The following ADD1 variants were observed in gnomAD, a reference collection of about 807,000 sequenced individuals.
ADD1 encodes adducin 1.
ADD1 carries 24 observed loss-of-function variants against 80.5 expected under a neutral mutation model. The observed-to-expected ratio is 0.30, with a 90% confidence interval of 0.22 to 0.42. The LOEUF (loss-of-function observed/expected upper bound fraction) is 0.42, where lower values mean the gene tolerates loss of function less well. ADD1 is among the 10% of genes least tolerant of loss of function. The pLI, the probability that ADD1 is intolerant of heterozygous loss-of-function variation, is 1.00. For synonymous variants in ADD1, 373 were observed against 393.8 expected (o/e 0.95, Z 0.63); for missense variants, 948 against 1,019.0 (o/e 0.93, Z 0.95).
intron 14 of ADD1, among the ~76,000 whole-genome samples, chr4:2,922,076 G>A (rs531471936): frequency 1.1e-4 from 17 of 152,068 alleles, no homozygotes; most frequent in African/African-American, 4.1e-4. Flanking sequence ...CATTGGGTTA[G>A]AACATGCTCC....
At chr4:2,858,820 CAACA>C (rs1250641523) in intron 1 of ADD1, among the ~76,000 whole-genome samples, 2 of 152,088 alleles carry the variant, frequency 1.3e-5, no homozygotes, top group Admixed American at 6.5e-5. Flanking sequence ...GACCATGGCT[CAACA>C]AACAAAGAAT....
chr4:2,917,155 T>G (rs1218042308), intron 14 of ADD1, among the ~76,000 whole-genome samples: 1 of 152,216 alleles, frequency 6.6e-6, no homozygotes, highest in Non-Finnish European at 1.5e-5. Context: ...CCACCAACAG[T>G]GTAAAAGTGT....
intron 1 of ADD1, among the ~76,000 whole-genome samples, chr4:2,870,606 A>G (rs1730278459): frequency 6.6e-6 from 1 of 152,246 alleles, no homozygotes; most frequent in Non-Finnish European, 1.5e-5. Flanking sequence ...CAGTTTTCAC[A>G]CTTTAAATGT....
intron 2 of ADD1, among the ~76,000 whole-genome samples, chr4:2,878,438 T>C (rs1480478797): frequency 6.6e-6 from 1 of 151,880 alleles, no homozygotes; most frequent in African/African-American, 2.4e-5. Flanking sequence ...AGAATCAGGA[T>C]AGCACCGAGA....
chr4:2,859,235 A>G (rs903615511), intron 1 of ADD1, among the ~76,000 whole-genome samples: 19 of 152,246 alleles, frequency 1.2e-4, no homozygotes, highest in Admixed American at 1.2e-3. Context: ...ACATTTTATT[A>G]GATGTGTGCC....
intron 2 of ADD1, among the ~76,000 whole-genome samples, chr4:2,878,126 G>A (rs992108941): frequency 6.6e-6 from 1 of 152,200 alleles, no homozygotes; most frequent in Non-Finnish European, 1.5e-5. Context: ...AGCAGATCCT[G>A]GAAGGCTGTG....
At position 2,871,260 on chromosome 4, in the gene ADD1, C is replaced by A. The variant is rs117416040; in HGVS notation, c.-20-4636C>A. 3.1e-4 allele frequency among the ~76,000 whole-genome samples: 47 copies of A among 152,156 alleles called. 2 individuals carry two copies. In the East Asian group the frequency reaches 5.6e-3, roughly 18 times the overall value. ...TGCTGTGATTACAGGCGTGAGCCAC[C>A]GTGCCTGGCCAACAGATGACATTTT... On this transcript the variant is annotated intron_variant, in intron 1 of 15. Transcript: ENST00000683351.
chr4:2,846,764 A>C (rs1726256509), intron 1 of ADD1, among the ~76,000 whole-genome samples: 1 of 144,854 alleles, frequency 6.9e-6, no homozygotes, highest in African/African-American at 2.6e-5. Context: ...TGAGCCTGGG[A>C]GGTCGAGGCT....
intron 15 of ADD1, among the ~76,000 whole-genome samples, chr4:2,927,496 G>A (rs1364521546): frequency 1.3e-5 from 2 of 152,192 alleles, no homozygotes; most frequent in Non-Finnish European, 1.5e-5. Flanking sequence ...GGCCGTTTAC[G>A]AATGGACAGA....
At chr4:2,885,283 G>T (rs890494226) in intron 4 of ADD1, among the ~76,000 whole-genome samples, 1 of 152,118 alleles carries the variant, frequency 6.6e-6, no homozygotes, top group Admixed American at 6.5e-5. Flanking sequence ...CAGCTTCTGA[G>T]TAGCGAAATC....
At position 2,898,573 on chromosome 4, in the gene ADD1, T is replaced by C. The variant is rs750578656; in HGVS notation, c.984+42T>C. ...CCAGTCACTCTGCAGTTTATTTAGA[T>C]GTGTCTGGGGTTCACATAGATTTTT... On this transcript the variant is annotated intron_variant, in intron 8 of 15. Transcript: ENST00000683351. The C allele has an allele frequency of 3.9e-6, 6 of 1,551,826 alleles. No homozygotes were observed. In the African/African-American group the frequency reaches 8.2e-5, roughly 21 times the overall value.
At chr4:2,869,469 C>T (rs1230848983) in intron 1 of ADD1, among the ~76,000 whole-genome samples, 3 of 152,160 alleles carry the variant, frequency 2.0e-5, no homozygotes, top group Non-Finnish European at 2.9e-5. Context: ...TTGTGGACCC[C>T]ATCTTAACTA....
In ADD1 at chr4:2,898,415, A is replaced by C. The variant is rs761021688; in HGVS notation, c.886-18A>C. On this transcript the variant is annotated intron_variant, in intron 7 of 15. Transcript: ENST00000683351. ...GTCTTCCTGCCCAGCTCCACAGAGCATTCATGCTTCCCCTCAGGTTCTTAT... is the reference window on the plus strand; with the variant it reads ...GTCTTCCTGCCCAGCTCCACAGAGCCTTCATGCTTCCCCTCAGGTTCTTAT... 18 of 1,614,190 alleles carry C rather than the reference A, an allele frequency of 1.1e-5. No homozygotes were observed. The highest frequency in any genetic ancestry group is 1.5e-5 in the Non-Finnish European group (18 of 1,179,990).
intron 3 of ADD1, among the ~76,000 whole-genome samples, chr4:2,882,697 G>C (rs1047058411): frequency 3.3e-5 from 5 of 152,198 alleles, no homozygotes; most frequent in African/African-American, 1.2e-4. Flanking sequence ...TTACCTGTCT[G>C]CTCTGTGGTA....
chr4:2,848,189 T>TG (rs1343845372), intron 1 of ADD1, among the ~76,000 whole-genome samples: 3 of 148,948 alleles, frequency 2.0e-5, no homozygotes, highest in Non-Finnish European at 4.4e-5. Context: ...CATTCCAGCC[T>TG]GGGACAGAGT....
chr4:2,852,138 T>TTTCTTTCTTTC (rs1342452606), intron 1 of ADD1, among the ~76,000 whole-genome samples: 1 of 97,580 alleles, frequency 1.0e-5, no homozygotes, highest in Non-Finnish European at 2.1e-5. Context: ...ACCCGGCCTC[T>TTTCTTTCTTTC]TTTCTTTCTT....
chr4:2,852,152 TTC>T (rs1279853018), intron 1 of ADD1, among the ~76,000 whole-genome samples: 1 of 82,718 alleles, frequency 1.2e-5, no homozygotes, highest in Admixed American at 1.3e-4. Flanking sequence ...CTTTCTTTCT[TTC>T]TTTCTTTCTT....
Position 2,928,922 on chromosome 4 carries a change from A to G in ADD1, c.*399A>G. ...TCTGCTTGGCTTCCCCTCCACCCTA[A>G]AGTCTCAGGTGACGGACTCAGACTC... On this transcript the variant is annotated 3_prime_UTR_variant, in exon 16 of 16. Transcript: ENST00000683351. 5.1e-6 allele frequency: 1 copy of G among 195,546 alleles called. No individual in the cohort carries two copies. Among genetic ancestry groups the G allele is most frequent in the Non-Finnish European group, 1.0e-5 (1 of 98,214 alleles). The allele number at this position is 195,546 out of a possible 1,614,324, so 12.1% of individuals were successfully genotyped here.
intron 1 of ADD1, among the ~76,000 whole-genome samples, chr4:2,872,099 G>A (rs1730547727): frequency 2.0e-5 from 3 of 152,324 alleles, no homozygotes; most frequent in South Asian, 4.1e-4. Context: ...TCCAGGAAGT[G>A]AGTGATGACA....
Sources: allele counts gnomAD v4.1 joint callset (sites outside exome capture counted in the v4.1 genomes callset), GRCh38; gene constraint gnomAD v4.1.1; transcripts MANE v1.5; gene names NCBI Gene and HGNC (gene_info 2026-07-23, HGNC 2026-07-21).